FSTL5: variants seen among roughly 807,000 people sequenced by gnomAD.
FSTL5 encodes the protein follistatin like 5.
Under a neutral mutation model 89.1 loss-of-function variants are expected in FSTL5, and 62 were observed. The observed-to-expected ratio is 0.70, with a 90% CI of 0.57 to 0.86. The LOEUF (loss-of-function observed/expected upper bound fraction) is 0.86. FSTL5 is among the 40% of genes least tolerant of loss of function. FSTL5 has a pLI of 0.00. For synonymous variants in FSTL5, 383 were observed against 346.2 expected, an observed-to-expected ratio of 1.11 and a Z score of -1.18; for missense variants, 1,057 against 1,001.6, an observed-to-expected ratio of 1.06 and a Z score of -0.75.
intron 4 of FSTL5, among the ~76,000 whole-genome samples, chr4:161,858,214 G>C (rs1357250510): frequency 6.6e-6 from 1 of 152,140 alleles, no homozygotes; most frequent in Non-Finnish European, 1.5e-5. Flanking sequence ...ACCCAGAATA[G>C]AGCCCTCATC....
chr4:161,790,012 T>C (rs1729405162), intron 4 of FSTL5, among the ~76,000 whole-genome samples: 1 of 152,238 alleles, frequency 6.6e-6, no homozygotes, highest in South Asian at 2.1e-4. Flanking sequence ...TAAACATGCA[T>C]ATTTATACTA....
rs116279728 is a variant in FSTL5 at position 162,090,920 on chromosome 4, G to C, written c.126+20351C>G. Among the ~76,000 whole-genome samples, 329 of 151,818 alleles carry C rather than the reference G, an allele frequency of 2.2e-3. 1 individual carries two copies. The highest frequency in any genetic ancestry group is 7.8e-3 in the African/African-American group (321 of 41,378). On this transcript the variant is annotated intron_variant, in intron 2 of 15. Coordinates refer to ENST00000306100, the MANE Select transcript of FSTL5 (RefSeq NM_020116.5). ...TTCCAAAGATTCCTTGTCAATCATA[G>C]ACTAAGATCTGAAAGTTGTACTCTT...
At chr4:161,461,647 C>T (rs1471907701) in intron 13 of FSTL5, among the ~76,000 whole-genome samples, 1 of 151,970 alleles carries the variant, frequency 6.6e-6, no homozygotes, top group African/African-American at 2.4e-5. Context: ...AATAGTTAAT[C>T]TGGATTCTGT....
At chr4:161,754,550 A>C (rs572677872) in intron 6 of FSTL5, among the ~76,000 whole-genome samples, 1 of 152,308 alleles carries the variant, frequency 6.6e-6, no homozygotes, top group Non-Finnish European at 1.5e-5. Flanking sequence ...GTAATTTATT[A>C]TTTAACTCAG....
chr4:161,976,375 T>C (rs1026140501), intron 3 of FSTL5, among the ~76,000 whole-genome samples: 1 of 152,136 alleles, frequency 6.6e-6, no homozygotes, highest in Non-Finnish European at 1.5e-5. Context: ...AATTAAGATA[T>C]ATTTTCTCCC....
intron 6 of FSTL5, among the ~76,000 whole-genome samples, chr4:161,752,180 C>T (rs1740416061): frequency 6.6e-6 from 1 of 151,638 alleles, no homozygotes; most frequent in Non-Finnish European, 1.5e-5. Context: ...GTAAGGATGC[C>T]TGTGAAACCA....
At chr4:161,597,240 T>C (rs192517102) in intron 7 of FSTL5, among the ~76,000 whole-genome samples, 2,114 of 152,230 alleles carry the variant, frequency 0.014, 72 homozygotes, top group South Asian at 0.14. Flanking sequence ...GTTTCAGCTT[T>C]CTACATATGG....
chr4:161,706,211 T>G (rs1738574683), intron 6 of FSTL5, among the ~76,000 whole-genome samples: 1 of 151,338 alleles, frequency 6.6e-6, no homozygotes, highest in Non-Finnish European at 1.5e-5. Context: ...TTGGCAAATA[T>G]GTTAGTGTTA....
intron 3 of FSTL5, among the ~76,000 whole-genome samples, chr4:162,023,138 TC>T (rs949499947): frequency 6.6e-6 from 1 of 152,124 alleles, no homozygotes; most frequent in African/African-American, 2.4e-5. Flanking sequence ...AGCTACCTGA[TC>T]TTTTTAGGTG....
intron 3 of FSTL5, among the ~76,000 whole-genome samples, chr4:161,941,655 C>A (rs1317717740): frequency 6.6e-6 from 1 of 151,850 alleles, no homozygotes; most frequent in Non-Finnish European, 1.5e-5. Context: ...ATGAAGGGAC[C>A]TTGGCAGCAT....
intron 15 of FSTL5, among the ~76,000 whole-genome samples, chr4:161,392,981 T>C (rs925297633): frequency 1.3e-5 from 2 of 151,956 alleles, no homozygotes; most frequent in Non-Finnish European, 2.9e-5. Context: ...CTGGCCAACA[T>C]GACAAAAACC....
chr4:161,506,326 G>GCCCC (rs35436108), intron 11 of FSTL5, among the ~76,000 whole-genome samples: 1 of 151,666 alleles, frequency 6.6e-6, no homozygotes, highest in Non-Finnish European at 1.5e-5. Flanking sequence ...TCCCTCTTCG[G>GCCCC]CCCCCCAAAT....
At chr4:162,081,095 T>C (rs1379003841) in intron 2 of FSTL5, among the ~76,000 whole-genome samples, 2 of 151,714 alleles carry the variant, frequency 1.3e-5, no homozygotes, top group Non-Finnish European at 3.0e-5. Context: ...CCACGCCCTC[T>C]AAATAAACTC....
intron 15 of FSTL5, among the ~76,000 whole-genome samples, chr4:161,428,985 G>A (rs1309684829): frequency 6.6e-6 from 1 of 152,086 alleles, no homozygotes; most frequent in East Asian, 1.9e-4. Context: ...CTGGGCCAGG[G>A]AGGAGCCCAC....
intron 7 of FSTL5, among the ~76,000 whole-genome samples, chr4:161,600,324 A>G (rs1734186329): frequency 1.3e-5 from 2 of 152,102 alleles, no homozygotes; most frequent in Admixed American, 1.3e-4. Flanking sequence ...TATAATTCAC[A>G]GTAGGAGTCA....
At chr4:161,932,847 A>G (rs1163184532) in intron 3 of FSTL5, among the ~76,000 whole-genome samples, 1 of 152,088 alleles carries the variant, frequency 6.6e-6, no homozygotes, top group African/African-American at 2.4e-5. Context: ...TTATTTTATT[A>G]ATGTTATTGG....
chr4:161,723,524 T>C (rs1002947865), intron 6 of FSTL5, among the ~76,000 whole-genome samples: 4 of 152,192 alleles, frequency 2.6e-5, no homozygotes, highest in African/African-American at 4.8e-5. Flanking sequence ...TCCCCATTCA[T>C]ATTTCTATAT....
chr4:161,452,088 C>A (rs996949217), intron 15 of FSTL5, among the ~76,000 whole-genome samples: 3 of 152,218 alleles, frequency 2.0e-5, no homozygotes, highest in African/African-American at 7.2e-5. Context: ...TTGAGCCCAA[C>A]AGTTAGAATG....
chr4:161,906,300 G>A (rs765672404), intron 4 of FSTL5, among the ~76,000 whole-genome samples: 12 of 152,062 alleles, frequency 7.9e-5, no homozygotes, highest in South Asian at 2.1e-4. Context: ...GAGGAACAAC[G>A]GCACCATTGG....
Sources: allele counts gnomAD v4.1 joint callset (sites outside exome capture counted in the v4.1 genomes callset), GRCh38; gene constraint gnomAD v4.1.1; transcripts MANE v1.5; gene names NCBI Gene and HGNC (gene_info 2026-07-23, HGNC 2026-07-21).